Variants in SPC24 observed in about 807,000 individuals in gnomAD.
SPC24 encodes SPC24 component of NDC80 kinetochore complex, also known as kinetochore protein Spc24.
SPC24 carries 31 observed loss-of-function variants against 27.6 expected under a neutral mutation model. The ratio of observed to expected loss-of-function variants is 1.12; its 90% CI spans 0.84 to 1.52. SPC24 has a LOEUF of 1.52. SPC24 is among the 40% of genes most tolerant of loss of function. SPC24 has a pLI of 0.00. For missense variants in SPC24, 284 were observed against 252.5 expected, an observed-to-expected ratio of 1.12 and a Z score of -0.84; for synonymous variants, 105 against 105.8, an observed-to-expected ratio of 0.99 and a Z score of 0.05.
intron 1 of SPC24, among the ~76,000 whole-genome samples, chr19:11,155,015 G>A (rs1238297271): frequency 2.0e-5 from 3 of 152,010 alleles, no homozygotes; most frequent in East Asian, 1.9e-4. Flanking sequence ...GTGACCCCCC[G>A]TCTCTACCAA....
At chr19:11,149,861 C>T (rs2077857110) in intron 1 of SPC24, among the ~76,000 whole-genome samples, 1 of 151,550 alleles carries the variant, frequency 6.6e-6, no homozygotes, top group African/African-American at 2.4e-5. Flanking sequence ...CATGCGCCTG[C>T]CACGACACCC....
intron 2 of SPC24, among the ~76,000 whole-genome samples, chr19:11,148,608 G>A (rs1446761033): frequency 6.6e-6 from 1 of 150,798 alleles, no homozygotes; most frequent in Non-Finnish European, 1.5e-5. Flanking sequence ...GGCCTCCCAA[G>A]TAGCTGAGAC....
chr19:11,149,086 A>G lies in SPC24; in HGVS notation c.305+8T>C. On this transcript the variant is annotated splice_region_variant and intron_variant, in intron 2 of 4. Transcript: ENST00000592540. The stretch of plus-strand genomic sequence containing the variant: ...TAGCAAGGCTGATCCCCTAGCAGAA[A>G]AGGATATAGGAGGCTGGCCTTCAGA... 5 of 1,497,766 alleles carry G rather than the reference A, an allele frequency of 3.3e-6. No individual in the cohort carries two copies. Among genetic ancestry groups the G allele is most frequent in the Non-Finnish European group, 4.5e-6 (5 of 1,122,530 alleles). 92.8% of individuals were successfully genotyped at this position (1,497,766 alleles called of 1,614,324 possible). A position where few individuals can be genotyped will look rare whatever the true frequency, so the allele number is the denominator to read the frequency against.
At position 11,155,611 on chromosome 19, in the gene SPC24, C is replaced by G; in HGVS notation, c.160+6G>C. 6.5e-7 allele frequency: 1 copy of G among 1,540,864 alleles called. No homozygotes were observed. The highest frequency in any genetic ancestry group is 8.7e-7 in the Non-Finnish European group (1 of 1,148,918). On this transcript the variant is annotated splice_donor_region_variant and intron_variant, in intron 1 of 4. Transcript: ENST00000592540. ...CGTGGGCCCGCGACCACGCTCCGAC[C>G]CTCACCTCGCAGCTGCTTCTCGGCA... is the stretch of plus-strand genomic sequence containing the variant.
rs141766668 is a variant in SPC24, at chr19:11,155,383, C to A, written c.160+234G>T. Among the ~76,000 whole-genome samples, 323 of 152,270 alleles carry A rather than the reference C, an allele frequency of 2.1e-3. 2 individuals are homozygous for A. Among genetic ancestry groups the A allele is most frequent in the African/African-American group, 7.6e-3 (318 of 41,570 alleles). On this transcript the variant is annotated intron_variant, in intron 1 of 4. Coordinates refer to ENST00000592540, the MANE Select transcript of SPC24 (RefSeq NM_182513.4). ...TCACGGAGAGCTCAGAAGGGGCCAA[C>A]CCCTCCAGACTCCTATATTTACCAC...
At chr19:11,149,378 C>T (rs765110500) in intron 1 of SPC24, 140 bp from the exon 2 acceptor site, 1 of 613,474 alleles carries the variant, frequency 1.6e-6, no homozygotes, top group South Asian at 4.2e-5. Flanking sequence ...CTACTGGCAA[C>T]TTGTACAACT....
rs187352590 is a variant in SPC24, at chr19:11,149,796, C to T, written c.161-558G>A. Among the ~76,000 whole-genome samples the T allele has an allele frequency of 5.4e-3, 818 of 151,406 alleles. 9 individuals are homozygous for T. The highest frequency in any genetic ancestry group is 0.019 in the African/African-American group (789 of 41,306). On this transcript the variant is annotated intron_variant, in intron 1 of 4. Transcript: ENST00000592540. ...CGCAGTCTTGGCTCACTGCAACCTC[C>T]GCCTTCCAGTTTCAAGTGATTCTCC...
chr19:11,151,619 TGGG>T (rs71164156), intron 1 of SPC24, among the ~76,000 whole-genome samples: 10 of 148,212 alleles, frequency 6.7e-5, no homozygotes, highest in Admixed American at 4.8e-4. Context: ...ACTTTTTTTT[TGGG>T]GGGGGGGGAT....
At chr19:11,150,180 C>A in intron 1 of SPC24, among the ~76,000 whole-genome samples, 2 of 107,258 alleles carry the variant, frequency 1.9e-5, no homozygotes. Flanking sequence ...GAGGAAACTC[C>A]ATCTCAAAAA....
At chr19:11,154,265 C>T (rs1211660974) in intron 1 of SPC24, among the ~76,000 whole-genome samples, 1 of 152,102 alleles carries the variant, frequency 6.6e-6, no homozygotes, top group African/African-American at 2.4e-5. Context: ...TCTGGCCAGG[C>T]GTAGTGGCTC....
In SPC24 at chr19:11,155,621, C is replaced by T. The variant is rs779217549; in HGVS notation, c.156G>A (p.Leu52=). 1.3e-6 allele frequency: 2 copies of T among 1,543,692 alleles called. No homozygotes were observed. The highest frequency in any genetic ancestry group is 1.9e-5 in the Admixed American group (1 of 51,814). ...LETQDGAEKQ[L]REILTMEKEV... is the part of the protein sequence containing the mutation. ...CGACCACGCTCCGACCCTCACCTCG[C>T]AGCTGCTTCTCGGCACCGTCTTGCG... Residue 52 remains leucine (L), a synonymous_variant, in exon 1 of 5, where the codon CTG becomes CTA. Coordinates refer to ENST00000592540, the MANE Select transcript of SPC24 (RefSeq NM_182513.4).
rs772909421 is a variant in SPC24, at chr19:11,155,710, C to T, written c.67G>A (p.Ala23Thr). ...GLLSLLGANR[A>T]EAQQRRLLGR... ...AGCAGCCGTCGCTGCTGCGCCTCCGCGCGGTTGGCGCCCAGCAGGCTGAGC... is the reference window on the plus strand; with the variant it reads ...AGCAGCCGTCGCTGCTGCGCCTCCGTGCGGTTGGCGCCCAGCAGGCTGAGC... The change falls in exon 1 of 5, where the codon GCG (alanine) becomes ACG (threonine). Residue 23 changes from alanine (A) to threonine (T), a missense_variant. Ala to Thr is a moderately conservative substitution (Grantham distance 58). Transcript: ENST00000592540. 1.3e-6 allele frequency: 2 copies of T among 1,573,040 alleles called. No individual in the cohort carries two copies. Among genetic ancestry groups the T allele is most frequent in the Non-Finnish European group, 1.7e-6 (2 of 1,167,574 alleles).
intron 1 of SPC24, among the ~76,000 whole-genome samples, chr19:11,153,416 T>C (rs890078635): frequency 1.3e-5 from 2 of 149,500 alleles, no homozygotes; most frequent in Non-Finnish European, 3.0e-5. Context: ...GCCACTGCAC[T>C]CCAGCCTGGG....
At position 11,155,739 on chromosome 19, in the gene SPC24, C is replaced by T; in HGVS notation, c.38G>A (p.Gly13Glu). 1 of 1,577,984 alleles carries T rather than the reference C, an allele frequency of 6.3e-7. No homozygotes were observed. Among genetic ancestry groups the T allele is most frequent in the South Asian group, 1.1e-5 (1 of 88,174 alleles). The change falls in exon 1 of 5, where the codon GGG becomes GAG. Residue 13 changes from glycine to glutamate, a missense_variant. Coordinates refer to ENST00000592540, the MANE Select transcript of SPC24 (RefSeq NM_182513.4). ...AFRDIEEVSQ[G>E]LLSLLGANRA... ...GTTGGCGCCCAGCAGGCTGAGCAGC[C>T]CCTGGCTCACCTCCTCTATGTCGCG...
chr19:11,152,344 G>C (rs2077879274), intron 1 of SPC24, among the ~76,000 whole-genome samples: 1 of 152,044 alleles, frequency 6.6e-6, no homozygotes, highest in Non-Finnish European at 1.5e-5. Context: ...CGAGTAGCTG[G>C]GATTACAGGC....
intron 1 of SPC24, among the ~76,000 whole-genome samples, chr19:11,154,305 C>T (rs1365139620): frequency 6.6e-6 from 1 of 152,008 alleles, no homozygotes; most frequent in Admixed American, 6.6e-5. Flanking sequence ...TTTGGGAGGC[C>T]GAGGTGGGCG....
chr19:11,155,671 G>A lies in SPC24; in HGVS notation c.106C>T (p.Gln36Ter). ...QQRRLLGRHE[Q>*]VVERLLETQD... is the part of the protein sequence containing the mutation. The stretch of plus-strand genomic sequence containing the variant: ...GTTTCCAGCAGCCGCTCCACCACCT[G>A]CTCGTGGCGCCCCAGCAGCCGTCGC... Residue 36 changes from glutamine (Q) to a stop codon, truncating the protein, a stop_gained, in exon 1 of 5, where the codon CAG becomes TAG. Coordinates refer to ENST00000592540, the MANE Select transcript of SPC24 (RefSeq NM_182513.4). LOFTEE classifies it high-confidence loss of function. The A allele has an allele frequency of 6.4e-7, 1 of 1,558,522 alleles. No homozygotes were observed. Among genetic ancestry groups the A allele is most frequent in the African/African-American group, 1.4e-5 (1 of 73,342 alleles).
chr19:11,153,919 A>T (rs1391935233), intron 1 of SPC24, among the ~76,000 whole-genome samples: 1 of 151,088 alleles, frequency 6.6e-6, no homozygotes, highest in Non-Finnish European at 1.5e-5. Flanking sequence ...AATATATATA[A>T]AAATATTAGC....
At chr19:11,151,149 C>G (rs1381417020) in intron 1 of SPC24, among the ~76,000 whole-genome samples, 1 of 130,392 alleles carries the variant, frequency 7.7e-6, no homozygotes, top group Non-Finnish European at 1.6e-5. Flanking sequence ...GGCGACAGAG[C>G]CAGACTCCGT....
Sources: allele counts gnomAD v4.1 joint callset (sites outside exome capture counted in the v4.1 genomes callset), GRCh38; gene constraint gnomAD v4.1.1; transcripts MANE v1.5; gene names NCBI Gene and HGNC (gene_info 2026-07-23, HGNC 2026-07-21).